FSIP1: variants seen among roughly 807,000 people sequenced by gnomAD.
The protein encoded by FSIP1 is fibrous sheath-interacting protein 1.
Under a neutral mutation model 60.9 loss-of-function variants are expected in FSIP1, and 65 were observed. The observed-to-expected ratio is 1.07, with a 90% CI of 0.87 to 1.31. FSIP1 has a LOEUF of 1.31. Ranked by LOEUF, FSIP1 falls within the 40% of genes most tolerant of loss-of-function variation. FSIP1 has a pLI of 0.00. For synonymous variants in FSIP1, 209 were observed against 221.2 expected, an observed-to-expected ratio of 0.94 and a Z score of 0.49; for missense variants, 675 against 665.5, an observed-to-expected ratio of 1.01 and a Z score of -0.16.
At chr15:39,713,365 G>C in intron 10 of FSIP1, 79 bp downstream of exon 10, 1 of 1,366,324 alleles carries the variant, frequency 7.3e-7, no homozygotes, top group Non-Finnish European at 9.8e-7. Flanking sequence ...CCAGAAGTTC[G>C]AGACCAGCCT....
intron 10 of FSIP1, among the ~76,000 whole-genome samples, chr15:39,649,975 T>C (rs889869032): frequency 6.6e-6 from 1 of 152,218 alleles, no homozygotes; most frequent in African/African-American, 2.4e-5. Context: ...CTGGCCTGGC[T>C]CAAATGCCAA....
intron 10 of FSIP1, among the ~76,000 whole-genome samples, chr15:39,681,275 G>GT (rs144099420): frequency 0.032 from 4,903 of 152,094 alleles, 256 homozygotes; most frequent in African/African-American, 0.11. Context: ...AAGGTTTATA[G>GT]TTTTTTGGCT....
In FSIP1 at chr15:39,600,833, T is replaced by C. The variant is rs1890612255; in HGVS notation, c.*47A>G. On this transcript the variant is annotated 3_prime_UTR_variant, in exon 12 of 12. Coordinates refer to ENST00000350221, the MANE Select transcript of FSIP1 (RefSeq NM_152597.5). ...AAATAATTCAATAAGAAATTTAATT[T>C]AACTTCATTACCAACTTTCTGAAAA... 2 of 1,466,536 alleles carry C rather than the reference T, an allele frequency of 1.4e-6. No homozygotes were observed. The highest frequency in any genetic ancestry group is 1.4e-5 in the African/African-American group (1 of 70,342). The allele number at this position is 1,466,536 out of a possible 1,614,324, so 90.8% of individuals were successfully genotyped here.
At chr15:39,668,203 CAAAAAAAA>C in intron 10 of FSIP1, among the ~76,000 whole-genome samples, 1 of 135,198 alleles carries the variant, frequency 7.4e-6, no homozygotes, top group East Asian at 2.3e-4. Flanking sequence ...ATTAAATTTC[CAAAAAAAA>C]AAAAAAAACC....
At chr15:39,749,987 T>C (rs1048513153) in intron 5 of FSIP1, among the ~76,000 whole-genome samples, 4 of 151,898 alleles carry the variant, frequency 2.6e-5, no homozygotes, top group African/African-American at 9.7e-5. Context: ...AAAATCAACA[T>C]ATGAAAATCT....
chr15:39,760,890 A>T lies in FSIP1; in HGVS notation c.559+2931T>A, dbSNP rs527343023. ...GGGTATATGGAATTCTGTACTACTT[A>T]TGCAAGTTTTCCATAAATTTAAAAT... On this transcript the variant is annotated intron_variant, in intron 5 of 11. Coordinates refer to ENST00000350221, the MANE Select transcript of FSIP1 (RefSeq NM_152597.5). Among the ~76,000 whole-genome samples, 58 of 152,330 alleles carry T rather than the reference A, an allele frequency of 3.8e-4. No homozygotes were observed. In the South Asian group the frequency reaches 8.7e-3, roughly 23 times the overall value.
chr15:39,673,503 C>T (rs1288714820), intron 10 of FSIP1, among the ~76,000 whole-genome samples: 3 of 151,826 alleles, frequency 2.0e-5, no homozygotes, highest in Non-Finnish European at 2.9e-5. Flanking sequence ...CTGGTAGAGA[C>T]GAGGTCTCGC....
At chr15:39,627,891 C>T (rs560294679) in intron 10 of FSIP1, among the ~76,000 whole-genome samples, 4 of 152,336 alleles carry the variant, frequency 2.6e-5, no homozygotes, top group African/African-American at 9.6e-5. Context: ...CAATAAGCAA[C>T]AGCTTCCAAG....
rs956084162 is a variant in FSIP1, at chr15:39,681,585, C to A, written c.1188+31859G>T. 9.9e-5 allele frequency among the ~76,000 whole-genome samples: 15 copies of A among 152,150 alleles called. No individual in the cohort carries two copies. The South Asian group carries it at 1.9e-3, about 19-fold the overall frequency. On this transcript the variant is annotated intron_variant, in intron 10 of 11. Transcript: ENST00000350221. ...AAGAAACATACCAATTTTTAAAAAT[C>A]TATTTCCAACTATATTATTCCAATA...
chr15:39,681,303 G>GTT (rs112050282), intron 10 of FSIP1, among the ~76,000 whole-genome samples: 56 of 151,164 alleles, frequency 3.7e-4, no homozygotes, highest in African/African-American at 1.3e-3. Context: ...TTTGTTTTTT[G>GTT]TTTTTTTTCA....
At chr15:39,640,255 T>C (rs1892307183) in intron 10 of FSIP1, among the ~76,000 whole-genome samples, 1 of 152,242 alleles carries the variant, frequency 6.6e-6, no homozygotes, top group African/African-American at 2.4e-5. Flanking sequence ...CAGTTATCCA[T>C]TGTTCATGAC....
chr15:39,607,129 G>A (rs1890855231), intron 11 of FSIP1, among the ~76,000 whole-genome samples: 1 of 152,112 alleles, frequency 6.6e-6, no homozygotes, highest in Non-Finnish European at 1.5e-5. Context: ...AGATGAAATG[G>A]CATGCTCAGC....
At chr15:39,662,416 C>T (rs556294844) in intron 10 of FSIP1, among the ~76,000 whole-genome samples, 1 of 152,084 alleles carries the variant, frequency 6.6e-6, no homozygotes, top group Admixed American at 6.5e-5. Flanking sequence ...TTTTATAGTT[C>T]CATTATCTAC....
At chr15:39,685,740 T>C (rs1316255946) in intron 10 of FSIP1, among the ~76,000 whole-genome samples, 1 of 152,196 alleles carries the variant, frequency 6.6e-6, no homozygotes, top group African/African-American at 2.4e-5. Flanking sequence ...GTTTTTCTAT[T>C]GATCTTTTTT....
chr15:39,762,214 C>T (rs921026639), intron 5 of FSIP1, among the ~76,000 whole-genome samples: 6 of 152,212 alleles, frequency 3.9e-5, no homozygotes, highest in African/African-American at 7.2e-5. Context: ...TTATTCTCTA[C>T]AGTTCTACAA....
chr15:39,648,519 A>G (rs1426961342), intron 10 of FSIP1, among the ~76,000 whole-genome samples: 6 of 152,256 alleles, frequency 3.9e-5, no homozygotes, highest in Non-Finnish European at 8.8e-5. Context: ...ACACAGACCA[A>G]TGCTTTCCAA....
intron 10 of FSIP1, among the ~76,000 whole-genome samples, chr15:39,669,402 G>T (rs1403273521): frequency 6.6e-6 from 1 of 152,100 alleles, no homozygotes; most frequent in Admixed American, 6.5e-5. Context: ...TTCTATCTTG[G>T]CAGTGCTTCT....
chr15:39,685,648 C>T (rs1406953204), intron 10 of FSIP1, among the ~76,000 whole-genome samples: 1 of 152,174 alleles, frequency 6.6e-6, no homozygotes, highest in East Asian at 1.9e-4. Flanking sequence ...CTGTAGTCAG[C>T]CATCCATTGC....
intron 10 of FSIP1, among the ~76,000 whole-genome samples, chr15:39,699,869 T>C (rs977700381): frequency 6.6e-6 from 1 of 152,150 alleles, no homozygotes; most frequent in African/African-American, 2.4e-5. Context: ...TTAAAAGACA[T>C]AGAAACATAG....
Sources: allele counts gnomAD v4.1 joint callset (sites outside exome capture counted in the v4.1 genomes callset), GRCh38; gene constraint gnomAD v4.1.1; transcripts MANE v1.5; gene names NCBI Gene and HGNC (gene_info 2026-07-23, HGNC 2026-07-21).